The following CTBP2 variants were observed in gnomAD, a reference collection of about 807,000 sequenced individuals.
CTBP2 encodes the protein C-terminal-binding protein 2.
In CTBP2, 30 loss-of-function variants were observed where a neutral mutation model predicts 80.3. The observed-to-expected ratio is 0.37, with a 90% confidence interval of 0.28 to 0.51. The LOEUF (loss-of-function observed/expected upper bound fraction) is 0.51. Ranked by LOEUF, CTBP2 falls within the 20% of genes least tolerant of loss-of-function variation. The pLI, the probability that CTBP2 is intolerant of heterozygous loss-of-function variation, is 0.93. For missense variants in CTBP2, 1,212 were observed against 1,375.3 expected (o/e 0.88, Z 1.88); for synonymous variants, 594 against 587.4 (o/e 1.01, Z -0.16).
intron 1 of CTBP2, among the ~76,000 whole-genome samples, chr10:125,130,848 A>C (rs1468688667): frequency 6.6e-6 from 1 of 152,048 alleles, no homozygotes; most frequent in Admixed American, 6.5e-5. Flanking sequence ...TCGCCCCCTC[A>C]TTTTAGAGGG....
intron 8 of CTBP2, among the ~76,000 whole-genome samples, chr10:124,991,497 G>A (rs745994054): frequency 6.6e-6 from 1 of 152,228 alleles, no homozygotes; most frequent in Admixed American, 6.5e-5. Flanking sequence ...TGGATGAAAT[G>A]TGAAGACAGC....
chr10:125,148,116 AC>A (rs1859132465), intron 1 of CTBP2, among the ~76,000 whole-genome samples: 1 of 152,066 alleles, frequency 6.6e-6, no homozygotes, highest in African/African-American at 2.4e-5. Context: ...TTTTGCCTCT[AC>A]TAAGCTCTAG....
chr10:125,098,764 G>GAGAGAC lies in CTBP2; in HGVS notation c.-102+12225_-102+12226insGTCTCT, dbSNP rs1850128863. 1.7e-4 allele frequency among the ~76,000 whole-genome samples: 18 copies of GAGAGAC among 105,426 alleles called. 3 individuals are homozygous for GAGAGAC. The highest frequency in any genetic ancestry group is 7.9e-4 in the African/African-American group (17 of 21,634). The allele number at this position is 105,426 out of a possible 152,430, so 69.2% of individuals were successfully genotyped here. A position where few individuals can be genotyped will look rare whatever the true frequency, so the allele number is the denominator to read the frequency against. ...AGAGAGAGAGACAGAGAGAGAGAGA[G>GAGAGAC]AGAGAGAGAGAGAGACAGAGAGAGA... On this transcript the variant is annotated intron_variant, in intron 2 of 10. Coordinates refer to the CTBP2 transcript ENST00000337195.
intron 2 of CTBP2, among the ~76,000 whole-genome samples, chr10:125,046,666 G>GC (rs1488208021): frequency 3.3e-5 from 5 of 151,762 alleles, no homozygotes; most frequent in African/African-American, 1.2e-4. Flanking sequence ...TAAAAGTGAA[G>GC]CCCCTGTAAG....
chr10:125,034,541 T>C (rs1312646548), intron 3 of CTBP2, among the ~76,000 whole-genome samples: 1 of 152,216 alleles, frequency 6.6e-6, no homozygotes, highest in Non-Finnish European at 1.5e-5. Context: ...GATCCCAACA[T>C]ATAATTATAA....
chr10:125,004,771 G>A (rs1955009553), intron 1 of CTBP2, among the ~76,000 whole-genome samples: 1 of 152,146 alleles, frequency 6.6e-6, no homozygotes, highest in Admixed American at 6.5e-5. Flanking sequence ...GCCCAGCCTG[G>A]TGACCCACCA....
chr10:125,116,187 A>G (rs538783990), intron 1 of CTBP2, among the ~76,000 whole-genome samples: 33 of 152,018 alleles, frequency 2.2e-4, no homozygotes, highest in Non-Finnish European at 4.3e-4. Context: ...TGTTGCCCAA[A>G]CCACCGAATG....
intron 2 of CTBP2, among the ~76,000 whole-genome samples, chr10:125,098,768 G>GAGAGAGAGACAGAGAGAGAGAC (rs1850139722): frequency 7.9e-5 from 11 of 138,458 alleles, no homozygotes; most frequent in African/African-American, 2.8e-4. Flanking sequence ...GAGAGAGAGA[G>GAGAGAGAGACAGAGAGAGAGAC]AGAGAGAGAG....
At position 124,994,010 on chromosome 10, in the gene CTBP2, TACAGGC is replaced by T. The variant is rs762291525; in HGVS notation, c.2401-31_2401-26del. On this transcript the variant is annotated intron_variant, in intron 5 of 8. Coordinates refer to ENST00000309035, the MANE Select transcript of CTBP2 (RefSeq NM_022802.3). ...TCTGTGGAAGGAAAGAAAAGCCGGT[TACAGGC>T]ACACTGGCATGGTGGAAGACTCTTG... 14 of 1,613,302 alleles carry T rather than the reference TACAGGC, an allele frequency of 8.7e-6. No individual in the cohort carries two copies. The African/African-American group carries it at 1.7e-4, about 20-fold the overall frequency.
rs78296512 is a variant in CTBP2, at chr10:125,126,133, G to A, written c.-205-15040C>T. On this transcript the variant is annotated intron_variant, in intron 1 of 10. Transcript: ENST00000337195. ...TGCAGCGGTGGCCTGGGAGAGGCCC[G>A]CTGGACACACTTCGCAATGGGCCAG... Among the ~76,000 whole-genome samples, 485 of 151,976 alleles carry A rather than the reference G, an allele frequency of 3.2e-3. 2 individuals carry two copies. The highest frequency in any genetic ancestry group is 0.011 in the African/African-American group (458 of 41,554).
chr10:124,997,933 G>GT, intron 4 of CTBP2, 31 bp downstream of exon 6: 2 of 1,594,088 alleles, frequency 1.3e-6, no homozygotes, highest in South Asian at 2.2e-5. Flanking sequence ...TGTCGGAGGG[G>GT]TTGGGGGTCA....
At chr10:125,054,854 C>T (rs1963548352) in intron 2 of CTBP2, among the ~76,000 whole-genome samples, 3 of 152,312 alleles carry the variant, frequency 2.0e-5, no homozygotes, top group African/African-American at 7.2e-5. Flanking sequence ...GTGATATATC[C>T]ACTTCTGTAA....
intron 2 of CTBP2, among the ~76,000 whole-genome samples, chr10:125,063,183 A>C (rs1407286868): frequency 6.6e-5 from 10 of 152,272 alleles, no homozygotes; most frequent in Admixed American, 5.2e-4. Context: ...TGGGAAAATT[A>C]TCACATTATC....
At chr10:125,103,939 C>T (rs1398848890) in intron 2 of CTBP2, among the ~76,000 whole-genome samples, 4 of 152,138 alleles carry the variant, frequency 2.6e-5, no homozygotes, top group African/African-American at 2.4e-5. Context: ...CTGAATTTTT[C>T]AAGGAGTTGC....
At position 124,994,555 on chromosome 10, in the gene CTBP2, A is replaced by G; in HGVS notation, c.2314T>C (p.Leu772=). Residue 772 remains leucine (L), a synonymous_variant, in exon 5 of 9, where the codon TTG becomes CTG. Coordinates refer to ENST00000309035, the MANE Select transcript of CTBP2 (RefSeq NM_022802.3). ...GAGACGCAGTCGCTCTGATACAGCA[A>G]ATCCTGCAGGGTGTAGACCCTCTGC... The G allele has an allele frequency of 6.2e-7, 1 of 1,614,034 alleles. No individual in the cohort carries two copies. Among genetic ancestry groups the G allele is most frequent in the Non-Finnish European group, 8.5e-7 (1 of 1,179,882 alleles).
At chr10:125,037,696 G>T (rs367631539) in intron 3 of CTBP2, among the ~76,000 whole-genome samples, 1 of 152,240 alleles carries the variant, frequency 6.6e-6, no homozygotes, top group East Asian at 1.9e-4. Flanking sequence ...ATGCGAATAT[G>T]CAGCCTATAC....
intron 2 of CTBP2, among the ~76,000 whole-genome samples, chr10:125,055,663 C>T (rs1247867740): frequency 6.6e-6 from 1 of 152,184 alleles, no homozygotes; most frequent in Non-Finnish European, 1.5e-5. Context: ...CCGAACCACA[C>T]TCCAAGGGAG....
At chr10:125,025,557 ACATTTT>A (rs1371664852) in intron 1 of CTBP2, among the ~76,000 whole-genome samples, 1 of 152,202 alleles carries the variant, frequency 6.6e-6, no homozygotes, top group African/African-American at 2.4e-5. Context: ...GCAAACACAC[ACATTTT>A]CATCTCCACG....
intron 1 of CTBP2, among the ~76,000 whole-genome samples, chr10:125,155,895 G>A (rs1485369633): frequency 6.6e-6 from 1 of 152,150 alleles, no homozygotes; most frequent in Non-Finnish European, 1.5e-5. Context: ...AGGCCGCACA[G>A]TCTCTAAAAG....
Sources: gnomAD v4.1 joint callset for allele counts (sites outside exome capture counted in the v4.1 genomes callset) on GRCh38, gnomAD v4.1.1 for gene constraint, MANE v1.5 for transcripts, NCBI Gene and HGNC (gene_info 2026-07-23, HGNC 2026-07-21) for gene names.